Variants in DOK6 observed in about 807,000 individuals in gnomAD.
DOK6 encodes docking protein 6.
A neutral mutation model predicts 44.0 loss-of-function variants in DOK6; 22 were observed. The observed-to-expected ratio is 0.50, with a 90% CI of 0.36 to 0.71. The LOEUF (loss-of-function observed/expected upper bound fraction) is 0.71, where lower values mean the gene tolerates loss of function less well. Ranked by LOEUF, DOK6 falls within the 30% of genes least tolerant of loss-of-function variation. The pLI, the probability that DOK6 is intolerant of heterozygous loss-of-function variation, is 0.00. For synonymous variants in DOK6, 166 were observed against 145.5 expected (o/e 1.14, Z -1.01); for missense variants, 340 against 416.4 (o/e 0.82, Z 1.60).
intron 2 of DOK6, among the ~76,000 whole-genome samples, chr18:69,590,765 A>C (rs1195484193): frequency 6.6e-6 from 1 of 152,188 alleles, no homozygotes; most frequent in Non-Finnish European, 1.5e-5. Context: ...AACATAATGA[A>C]AATATTTCGG....
chr18:69,776,288 A>G (rs1379983126), intron 7 of DOK6, among the ~76,000 whole-genome samples: 1 of 152,046 alleles, frequency 6.6e-6, no homozygotes, highest in Non-Finnish European at 1.5e-5. Flanking sequence ...AACACATCTT[A>G]ACGTGTATAA....
intron 1 of DOK6, among the ~76,000 whole-genome samples, chr18:69,415,564 A>C (rs986035677): frequency 2.6e-5 from 4 of 152,128 alleles, no homozygotes; most frequent in Non-Finnish European, 4.4e-5. Flanking sequence ...TTATTTTACC[A>C]CAGTTTTACC....
chr18:69,606,749 CAAAAAGGA>C (rs1984005170), intron 3 of DOK6, among the ~76,000 whole-genome samples: 1 of 125,626 alleles, frequency 8.0e-6, no homozygotes, highest in African/African-American at 2.9e-5. Context: ...ACAAAAGATT[CAAAAAGGA>C]TTTTTTTTTT....
intron 5 of DOK6, among the ~76,000 whole-genome samples, chr18:69,725,254 TCA>T (rs1194016802): frequency 6.6e-6 from 1 of 152,192 alleles, no homozygotes; most frequent in Non-Finnish European, 1.5e-5. Flanking sequence ...CAGCCTGCAG[TCA>T]CATACTTGGC....
At chr18:69,488,537 A>G (rs893646438) in intron 1 of DOK6, among the ~76,000 whole-genome samples, 1 of 152,196 alleles carries the variant, frequency 6.6e-6, no homozygotes. Context: ...AAAGAGGGCC[A>G]ATGGACTCAC....
intron 3 of DOK6, among the ~76,000 whole-genome samples, chr18:69,672,519 C>T (rs1280911691): frequency 6.6e-6 from 1 of 152,270 alleles, no homozygotes; most frequent in East Asian, 1.9e-4. Flanking sequence ...GCACCGCGCC[C>T]GGCTAATTTT....
At chr18:69,754,708 C>T (rs1357244740) in intron 6 of DOK6, among the ~76,000 whole-genome samples, 2 of 152,174 alleles carry the variant, frequency 1.3e-5, no homozygotes, top group African/African-American at 4.8e-5. Context: ...ATAGCCTTTT[C>T]TCTGTGAATA....
chr18:69,793,573 C>G (rs1980660073), intron 7 of DOK6, among the ~76,000 whole-genome samples: 1 of 152,004 alleles, frequency 6.6e-6, no homozygotes, highest in Non-Finnish European at 1.5e-5. Flanking sequence ...TAAATACAAT[C>G]TTTTTTAAAA....
chr18:69,667,838 G>A (rs555114110), intron 3 of DOK6, among the ~76,000 whole-genome samples: 2 of 151,892 alleles, frequency 1.3e-5, no homozygotes, highest in African/African-American at 2.4e-5. Flanking sequence ...ATTTAGTTCC[G>A]TGACTTTAAA....
In DOK6 at chr18:69,757,787, T is replaced by C. The variant is rs981732069; in HGVS notation, c.770T>C (p.Leu257Ser). ...LQTSLTEPMT[L>S]SKSISLPRSA... ...ACAAGCTTGACTGAACCAATGACAT[T>C]ATCCAAATCAATATCTCTTCCTCGC... The change falls in exon 7 of 8, where the codon TTA (leucine) becomes TCA (serine). Residue 257 changes from leucine to serine, a missense_variant. Coordinates refer to ENST00000382713, the MANE Select transcript of DOK6 (RefSeq NM_152721.6). 1.9e-6 allele frequency: 3 copies of C among 1,614,136 alleles called. No homozygotes were observed. The highest frequency in any genetic ancestry group is 2.5e-6 in the Non-Finnish European group (3 of 1,179,978).
chr18:69,822,296 A>T (rs1263329885), intron 7 of DOK6, among the ~76,000 whole-genome samples: 2 of 152,228 alleles, frequency 1.3e-5, no homozygotes, highest in Non-Finnish European at 1.5e-5. Flanking sequence ...TACCCTACTT[A>T]TAAGCTAACA....
intron 1 of DOK6, among the ~76,000 whole-genome samples, chr18:69,545,031 G>T (rs111706309): frequency 6.7e-6 from 1 of 150,286 alleles, no homozygotes; most frequent in African/African-American, 2.4e-5. Flanking sequence ...TGAGGCAGGA[G>T]AATCACTTGA....
intron 5 of DOK6, among the ~76,000 whole-genome samples, chr18:69,729,703 G>A (rs1012520459): frequency 6.6e-6 from 1 of 151,972 alleles, no homozygotes; most frequent in African/African-American, 2.4e-5. Context: ...ACCCGCCAAG[G>A]GAAATTCCCA....
At chr18:69,797,701 T>C (rs1033563052) in intron 7 of DOK6, among the ~76,000 whole-genome samples, 2 of 152,278 alleles carry the variant, frequency 1.3e-5, no homozygotes, top group African/African-American at 4.8e-5. Flanking sequence ...TTCTATTTGA[T>C]GTTACAGATA....
chr18:69,659,910 TTA>T (rs1325162879), intron 3 of DOK6: 1 of 81,948 alleles, frequency 1.2e-5, no homozygotes, highest in African/African-American at 3.5e-5. Context: ...TATGTATGTT[TTA>T]TATATATAAC....
Position 69,728,651 on chromosome 18 carries a change from A to G in DOK6, c.600-10314A>G, listed in dbSNP as rs897193895. Among the ~76,000 whole-genome samples the G allele has an allele frequency of 1.2e-4, 18 of 151,836 alleles. No individual in the cohort carries two copies. The South Asian group carries it at 2.1e-3, about 18-fold the overall frequency. ...AAAAAAAAAAAAGTAAAGCCATTGC[A>G]CTACAGTAACTTCCTGCCCCCCTTT... On this transcript the variant is annotated intron_variant, in intron 5 of 7. Coordinates refer to ENST00000382713, the MANE Select transcript of DOK6 (RefSeq NM_152721.6).
intron 5 of DOK6, among the ~76,000 whole-genome samples, chr18:69,712,731 C>CAGCT (rs1313957882): frequency 6.6e-6 from 1 of 152,058 alleles, no homozygotes; most frequent in African/African-American, 2.4e-5. Flanking sequence ...CCTGTAGTCC[C>CAGCT]AGCTACTCAG....
intron 7 of DOK6, among the ~76,000 whole-genome samples, chr18:69,821,432 A>G (rs1165309187): frequency 6.6e-6 from 1 of 152,200 alleles, no homozygotes; most frequent in East Asian, 1.9e-4. Context: ...TTCTGATAAG[A>G]GATATATTCT....
intron 5 of DOK6, among the ~76,000 whole-genome samples, chr18:69,722,273 A>G (rs1339121713): frequency 6.6e-6 from 1 of 152,202 alleles, no homozygotes; most frequent in Non-Finnish European, 1.5e-5. Flanking sequence ...GTATTATCCC[A>G]GTAAGTTATT....
Sources: allele counts gnomAD v4.1 joint callset (sites outside exome capture counted in the v4.1 genomes callset), GRCh38; gene constraint gnomAD v4.1.1; transcripts MANE v1.5; gene names NCBI Gene and HGNC (gene_info 2026-07-23, HGNC 2026-07-21).